Variants in MAMDC2 observed in about 807,000 individuals in gnomAD.
The protein encoded by MAMDC2 is MAM domain-containing protein 2.
In MAMDC2, 57 loss-of-function variants were observed where a neutral mutation model predicts 89.8. That is an observed-to-expected ratio of 0.63 (90% confidence interval 0.51 to 0.79). MAMDC2 has a LOEUF of 0.79. MAMDC2 is among the 30% of genes least tolerant of loss of function. The pLI is 0.00. For synonymous variants in MAMDC2, 313 were observed against 293.4 expected (o/e 1.07, Z -0.68); for missense variants, 800 against 820.6 (o/e 0.97, Z 0.31).
intron 11 of MAMDC2, among the ~76,000 whole-genome samples, chr9:70,191,305 G>A (rs779097978): frequency 1.3e-5 from 2 of 151,960 alleles, no homozygotes; most frequent in Admixed American, 6.6e-5. Context: ...ATTCCTCCCT[G>A]ATTTTTTTGC....
intron 11 of MAMDC2, among the ~76,000 whole-genome samples, chr9:70,213,335 T>A (rs2033390963): frequency 6.6e-6 from 1 of 152,216 alleles, no homozygotes; most frequent in Admixed American, 6.5e-5. Context: ...ATAGCTAAGG[T>A]CCTTTACTTT....
chr9:70,208,045 T>C (rs1471516227), intron 11 of MAMDC2, among the ~76,000 whole-genome samples: 1 of 152,212 alleles, frequency 6.6e-6, no homozygotes, highest in Admixed American at 6.5e-5. Flanking sequence ...CCTTGTAGTA[T>C]AGTTTGCAGT....
chr9:70,068,583 C>A (rs548523402), intron 2 of MAMDC2, among the ~76,000 whole-genome samples: 1 of 151,778 alleles, frequency 6.6e-6, no homozygotes, highest in Non-Finnish European at 1.5e-5. Context: ...ACAAATTAGC[C>A]GGGCGTGGTG....
chr9:70,217,236 C>A, intron 11 of MAMDC2: 1 of 860,422 alleles, frequency 1.2e-6, no homozygotes. Context: ...ACAAGATCTA[C>A]CCGGGACAGG....
At chr9:70,183,396 A>C (rs994661259) in intron 11 of MAMDC2, among the ~76,000 whole-genome samples, 1 of 152,154 alleles carries the variant, frequency 6.6e-6, no homozygotes, top group African/African-American at 2.4e-5. Context: ...CAAGTCCTGG[A>C]TATCCTTGTT....
intron 12 of MAMDC2, among the ~76,000 whole-genome samples, chr9:70,224,071 G>T (rs1564006012): frequency 2.0e-5 from 3 of 152,032 alleles, no homozygotes. Context: ...TTTTATTGTT[G>T]TTCAGAGAAC....
chr9:70,101,332 C>T (rs974521662), intron 2 of MAMDC2, among the ~76,000 whole-genome samples: 36 of 151,340 alleles, frequency 2.4e-4, no homozygotes, highest in South Asian at 1.5e-3. Context: ...TTATAGTAAA[C>T]GAAGGTTAAT....
chr9:70,184,129 T>TTCA (rs1184498448), intron 11 of MAMDC2, among the ~76,000 whole-genome samples: 1 of 152,210 alleles, frequency 6.6e-6, no homozygotes, highest in African/African-American at 2.4e-5. Context: ...TTAATTCTCC[T>TTCA]TCACTTATGA....
intron 2 of MAMDC2, among the ~76,000 whole-genome samples, chr9:70,084,622 C>T (rs1256973429): frequency 6.6e-6 from 1 of 152,032 alleles, no homozygotes; most frequent in Non-Finnish European, 1.5e-5. Flanking sequence ...TAATTTTATA[C>T]AAATCTTTTA....
At chr9:70,183,873 G>T (rs2032695428) in intron 11 of MAMDC2, among the ~76,000 whole-genome samples, 1 of 152,026 alleles carries the variant, frequency 6.6e-6, no homozygotes, top group East Asian at 1.9e-4. Context: ...ATTTGATTCT[G>T]TCATTATGTG....
At chr9:70,136,732 T>G (rs1206355203) in intron 7 of MAMDC2, among the ~76,000 whole-genome samples, 1 of 152,228 alleles carries the variant, frequency 6.6e-6, no homozygotes, top group Non-Finnish European at 1.5e-5. Flanking sequence ...CCCCATTTCC[T>G]GAGTTAGATG....
chr9:70,061,836 C>T (rs777905782), intron 2 of MAMDC2, among the ~76,000 whole-genome samples: 1 of 152,132 alleles, frequency 6.6e-6, no homozygotes, highest in Non-Finnish European at 1.5e-5. Context: ...GTTTGGCTCT[C>T]GTGAGCTAAA....
In MAMDC2 at chr9:70,131,576, A is replaced by T. The variant is rs139503678; in HGVS notation, c.958A>T (p.Ile320Phe). ...PKGGYVALDD[I>F]SFSPVHCQNQ... The stretch of plus-strand genomic sequence containing the variant: ...GGGAGGTTATGTTGCCCTGGATGAT[A>T]TTTCATTCTCTCCTGTTCACTGCCA... The change falls in exon 7 of 14, where the codon ATT becomes TTT. Residue 320 changes from isoleucine to phenylalanine, a missense_variant. Coordinates refer to ENST00000377182, the MANE Select transcript of MAMDC2 (RefSeq NM_153267.5). The T allele has an allele frequency of 2.5e-6, 4 of 1,609,706 alleles. No homozygotes were observed. The African/African-American group carries it at 5.4e-5, about 22-fold the overall frequency.
At chr9:70,050,613 T>A (rs1587424541) in intron 2 of MAMDC2, among the ~76,000 whole-genome samples, 1 of 152,256 alleles carries the variant, frequency 6.6e-6, no homozygotes, top group East Asian at 1.9e-4. Flanking sequence ...ACTTTATACA[T>A]GTAACCTGAT....
At chr9:70,160,470 C>A (rs2031933473) in intron 9 of MAMDC2, among the ~76,000 whole-genome samples, 1 of 152,080 alleles carries the variant, frequency 6.6e-6, no homozygotes, top group African/African-American at 2.4e-5. Context: ...CCACTTGCAT[C>A]TTCAACATTA....
chr9:70,209,495 A>G (rs1412261620), intron 11 of MAMDC2, among the ~76,000 whole-genome samples: 1 of 151,930 alleles, frequency 6.6e-6, no homozygotes, highest in African/African-American at 2.4e-5. Flanking sequence ...ATCATTTTTT[A>G]TTGCATCTAT....
chr9:70,167,737 T>C (rs2118520803), intron 9 of MAMDC2, among the ~76,000 whole-genome samples: 1 of 152,380 alleles, frequency 6.6e-6, no homozygotes, highest in Middle Eastern at 3.4e-3. Context: ...CTTTTCTGTC[T>C]TTCTCTGGAA....
At chr9:70,191,792 C>G (rs2032886153) in intron 11 of MAMDC2, among the ~76,000 whole-genome samples, 1 of 152,160 alleles carries the variant, frequency 6.6e-6, no homozygotes, top group Non-Finnish European at 1.5e-5. Context: ...ATGTACTAAA[C>G]TTCAATTTTT....
At chr9:70,206,768 A>C (rs1248577968) in intron 11 of MAMDC2, among the ~76,000 whole-genome samples, 3 of 152,100 alleles carry the variant, frequency 2.0e-5, no homozygotes, top group Admixed American at 6.6e-5. Context: ...TCCTAATGCT[A>C]TCCTTCCTCT....
Sources: allele counts gnomAD v4.1 joint callset (sites outside exome capture counted in the v4.1 genomes callset), GRCh38; gene constraint gnomAD v4.1.1; transcripts MANE v1.5; gene names NCBI Gene and HGNC (gene_info 2026-07-23, HGNC 2026-07-21).